GRAMD4: variants seen among roughly 807,000 people sequenced by gnomAD.
GRAMD4 encodes the protein GRAM domain-containing protein 4.
In GRAMD4, 25 loss-of-function variants were observed where a neutral mutation model predicts 83.9. The observed-to-expected ratio is 0.30, with a 90% CI of 0.22 to 0.42. GRAMD4 has a LOEUF of 0.42. Among genes scored for constraint, GRAMD4 ranks in the 10% least tolerant of loss-of-function variants. GRAMD4 has a pLI of 1.00. For missense variants in GRAMD4, 593 were observed against 788.7 expected (o/e 0.75, Z 2.97); for synonymous variants, 336 against 320.9 (o/e 1.05, Z -0.50).
intron 1 of GRAMD4, among the ~76,000 whole-genome samples, chr22:46,591,214 G>T (rs1347113449): frequency 6.6e-6 from 1 of 152,306 alleles, no homozygotes; most frequent in South Asian, 2.1e-4. Flanking sequence ...TCTCTTCAGG[G>T]ACTTAAACAG....
At chr22:46,671,755 G>A (rs2082509709) in intron 13 of GRAMD4, among the ~76,000 whole-genome samples, 1 of 150,592 alleles carries the variant, frequency 6.6e-6, no homozygotes, top group Non-Finnish European at 1.5e-5. Flanking sequence ...CAGGAGAATC[G>A]CTTGAACCCG....
Position 46,657,761 on chromosome 22 carries a change from G to A in GRAMD4, c.284-426G>A, listed in dbSNP as rs1389357478. The stretch of plus-strand genomic sequence containing the variant: ...AGGGCCTTTGCTCTGCTGCCGACGC[G>A]TCCCAGAACCTCACCCAGCACATGG... On this transcript the variant is annotated intron_variant, in intron 3 of 18. Coordinates refer to ENST00000406902, the MANE Select transcript of GRAMD4 (RefSeq NM_015124.5). 5.9e-5 allele frequency among the ~76,000 whole-genome samples: 9 copies of A among 152,312 alleles called. 1 individual carries two copies. In the South Asian group the frequency reaches 8.3e-4, roughly 14 times the overall value.
intron 16 of GRAMD4, among the ~76,000 whole-genome samples, chr22:46,675,051 A>T (rs1025510494): frequency 2.0e-5 from 3 of 152,232 alleles, no homozygotes; most frequent in Non-Finnish European, 4.4e-5. Flanking sequence ...CCGTGTGGGG[A>T]CCTGCTATTG....
intron 18 of GRAMD4, 46 bp downstream of exon 18, chr22:46,676,714 G>C: frequency 6.6e-7 from 1 of 1,511,940 alleles, no homozygotes; most frequent in Non-Finnish European, 8.9e-7. Flanking sequence ...GTGGGCCCAG[G>C]GGCCTGACTC....
At chr22:46,611,855 G>T (rs939271001) in intron 1 of GRAMD4, among the ~76,000 whole-genome samples, 1 of 151,302 alleles carries the variant, frequency 6.6e-6, no homozygotes, top group Non-Finnish European at 1.5e-5. Flanking sequence ...AAATTAGCCG[G>T]GCATGGTGGG....
At position 46,663,096 on chromosome 22, in the gene GRAMD4, G is replaced by A. The variant is rs61552185; in HGVS notation, c.523G>A (p.Gly175Arg). Reference protein sequence around the residue: ...RLQKWFYERFGEYVEDFRFQP... With the variant: ...RLQKWFYERFREYVEDFRFQP... ...GCAGAAGTGGTTCTACGAGCGGTTT[G>A]GGGAGTACGTGGAGGACTTCCGGTT... Residue 175 changes from glycine (G) to arginine (R), a missense_variant, in exon 6 of 19, where the codon GGG becomes AGG. By Grantham distance (125) the Gly-to-Arg change is moderately radical (BLOSUM62 -2). Transcript: ENST00000406902. The A allele has an allele frequency of 6.8e-5, 110 of 1,612,094 alleles. No homozygotes were observed. In the East Asian group the frequency reaches 2.3e-3, roughly 34 times the overall value.
intron 1 of GRAMD4, among the ~76,000 whole-genome samples, chr22:46,603,458 C>T (rs2081333110): frequency 6.6e-6 from 1 of 151,116 alleles, no homozygotes; most frequent in East Asian, 2.0e-4. Context: ...ATCCGCCCGC[C>T]TCCGCCTCCC....
Position 46,677,245 on chromosome 22 carries a change from C to A in GRAMD4, c.1731C>A (p.Asp577Glu). ...CCTCAGCGGCAGCGTCTGGCGGGGA[C>A]AGCTAGTATTGACTTGCCCAGGACG... ...KITSAAASGG[D>E]S is the part of the protein sequence containing the mutation. Residue 577 changes from aspartate (D) to glutamate (E), a missense_variant, in exon 19 of 19, where the codon GAC becomes GAA. Transcript: ENST00000406902. 1 of 1,610,118 alleles carries A rather than the reference C, an allele frequency of 6.2e-7. No homozygotes were observed. Among genetic ancestry groups the A allele is most frequent in the Admixed American group, 1.7e-5 (1 of 58,754 alleles).
At chr22:46,648,507 G>A (rs1023189237) in intron 3 of GRAMD4, among the ~76,000 whole-genome samples, 3 of 151,438 alleles carry the variant, frequency 2.0e-5, no homozygotes, top group South Asian at 4.2e-4. Context: ...ATGGATGGAT[G>A]GGTGAGTAGA....
chr22:46,669,745 T>A (rs553320961), intron 13 of GRAMD4, among the ~76,000 whole-genome samples: 85 of 151,968 alleles, frequency 5.6e-4, no homozygotes, highest in Admixed American at 2.9e-3. Flanking sequence ...CCAGCTAATT[T>A]TTTTTGTATT....
At chr22:46,635,922 G>A (rs573782374) in intron 2 of GRAMD4, among the ~76,000 whole-genome samples, 3 of 152,296 alleles carry the variant, frequency 2.0e-5, no homozygotes, top group Admixed American at 2.0e-4. Flanking sequence ...GCAGTGCAGG[G>A]GTCCAGCTGC....
At chr22:46,673,518 G>A in intron 14 of GRAMD4, 152 bp from the exon 15 acceptor site, 1 of 954,866 alleles carries the variant, frequency 1.0e-6, no homozygotes, top group South Asian at 1.5e-5. Flanking sequence ...GCCCTGCCTG[G>A]AAGAAGGAGC....
Position 46,655,611 on chromosome 22 carries a change from G to T in GRAMD4, c.284-2576G>T, listed in dbSNP as rs1369692807. 6.6e-5 allele frequency among the ~76,000 whole-genome samples: 10 copies of T among 152,296 alleles called. No individual in the cohort carries two copies. The East Asian group carries it at 1.3e-3, about 21-fold the overall frequency. ...AGGAGCCAGCCGGCCGCCCAGAGAGGGCTGGGGGGTAGCTCCCTCAGCCCT... is the reference window on the plus strand; with the variant it reads ...AGGAGCCAGCCGGCCGCCCAGAGAGTGCTGGGGGGTAGCTCCCTCAGCCCT... On this transcript the variant is annotated intron_variant, in intron 3 of 18. Transcript: ENST00000406902.
At chr22:46,601,024 G>C (rs563907892) in intron 1 of GRAMD4, among the ~76,000 whole-genome samples, 100 of 152,134 alleles carry the variant, frequency 6.6e-4, no homozygotes, top group African/African-American at 2.2e-3. Context: ...GGTGCCTATA[G>C]TCCCAGCTAC....
intron 3 of GRAMD4, among the ~76,000 whole-genome samples, chr22:46,643,790 C>T (rs1412342724): frequency 2.6e-5 from 4 of 152,158 alleles, no homozygotes; most frequent in Non-Finnish European, 5.9e-5. Context: ...GACATGATGG[C>T]GTGTCCTTAG....
intron 3 of GRAMD4, among the ~76,000 whole-genome samples, chr22:46,655,219 A>G (rs1001367946): frequency 2.7e-5 from 4 of 149,684 alleles, no homozygotes; most frequent in Non-Finnish European, 4.5e-5. Context: ...TCTGTGGCTT[A>G]AGCCCAAAAA....
At chr22:46,605,732 CCGG>C (rs1169151288) in intron 1 of GRAMD4, among the ~76,000 whole-genome samples, 7 of 142,926 alleles carry the variant, frequency 4.9e-5, no homozygotes, top group Admixed American at 7.1e-5. Flanking sequence ...GGGCCTATGG[CCGG>C]TGCTGAGCAT....
chr22:46,661,586 C>T lies in GRAMD4; in HGVS notation c.466+144C>T, dbSNP rs1439226922. On this transcript the variant is annotated intron_variant, in intron 5 of 18. Coordinates refer to ENST00000406902, the MANE Select transcript of GRAMD4 (RefSeq NM_015124.5). ...CAGGCGGCAGGTGCTGGTTCTGTGC[C>T]CAGGCACCTGCTGGCATCCGGGAAT... The T allele has an allele frequency of 1.2e-5, 8 of 643,344 alleles. No homozygotes were observed. In the South Asian group the frequency reaches 1.3e-4, roughly 10 times the overall value. The allele number at this position is 643,344 out of a possible 1,614,324, so 39.9% of individuals were successfully genotyped here. A position where few individuals can be genotyped will look rare whatever the true frequency, so the allele number is the denominator to read the frequency against.
At chr22:46,615,050 CGTGT>C in intron 1 of GRAMD4, among the ~76,000 whole-genome samples, 1 of 32,380 alleles carries the variant, frequency 3.1e-5, no homozygotes, top group Non-Finnish European at 6.3e-5. Flanking sequence ...TTCCCCTGTG[CGTGT>C]AGGTTCCCCC....
Sources: gnomAD v4.1 joint callset for allele counts (sites outside exome capture counted in the v4.1 genomes callset) on GRCh38, gnomAD v4.1.1 for gene constraint, MANE v1.5 for transcripts, NCBI Gene and HGNC (gene_info 2026-07-23, HGNC 2026-07-21) for gene names.